SDHB: variants seen among roughly 807,000 people sequenced by gnomAD.
SDHB encodes succinate dehydrogenase [ubiquinone] iron-sulfur subunit, mitochondrial.
SDHB carries 21 observed loss-of-function variants against 39.7 expected under a neutral mutation model. The observed-to-expected ratio is 0.53, with a 90% CI of 0.37 to 0.76. SDHB has a LOEUF of 0.76. SDHB is among the 30% of genes least tolerant of loss of function. The pLI is 0.00. For synonymous variants in SDHB, 118 were observed against 117.0 expected, an observed-to-expected ratio of 1.01 and a Z score of -0.06; for missense variants, 343 against 350.9, an observed-to-expected ratio of 0.98 and a Z score of 0.18.
At chr1:17,022,267 A>G (rs1417047028) in intron 7 of SDHB, among the ~76,000 whole-genome samples, 2 of 152,190 alleles carry the variant, frequency 1.3e-5, no homozygotes, top group Non-Finnish European at 2.9e-5. Context: ...GAAGAAATGA[A>G]GTCCTCACAG....
At position 17,028,711 on chromosome 1, in the gene SDHB, G is replaced by GC. The variant is rs1389798038; in HGVS notation, c.311_312insG (p.Asn104LysfsTer15). ...AAGCTAGAGTGTTGCCTCCATTGAT[G>GC]TTCATTGCACAAGAGCCACAGATGC... On this transcript the variant is annotated frameshift_variant, in exon 4 of 8. Transcript: ENST00000375499. LOFTEE classifies it high-confidence loss of function. The GC allele has an allele frequency of 6.2e-7, 1 of 1,614,122 alleles. No individual in the cohort carries two copies. Among genetic ancestry groups the GC allele is most frequent in the Non-Finnish European group, 8.5e-7 (1 of 1,180,032 alleles).
chr1:17,029,093 GTTTT>G (rs746243819), intron 3 of SDHB, among the ~76,000 whole-genome samples: 3 of 72,030 alleles, frequency 4.2e-5, no homozygotes, highest in South Asian at 8.3e-4. Flanking sequence ...AAATCAGCCT[GTTTT>G]TTTTTTTTTT....
At position 17,026,660 on chromosome 1, in the gene SDHB, G is replaced by A. The variant is rs545537687; in HGVS notation, c.540+1089C>T. On this transcript the variant is annotated intron_variant, in intron 5 of 7. Coordinates refer to ENST00000375499, the MANE Select transcript of SDHB (RefSeq NM_003000.3). Reference sequence around the variant, plus strand: ...GATTACAGATGAGCCACTGCACCTGGCCGGACTCCCCTTTCTTAACGTTTT... The same window carrying A: ...GATTACAGATGAGCCACTGCACCTGACCGGACTCCCCTTTCTTAACGTTTT... 5.3e-5 allele frequency among the ~76,000 whole-genome samples: 8 copies of A among 152,200 alleles called. No individual in the cohort carries two copies. The South Asian group carries it at 1.5e-3, about 28-fold the overall frequency.
intron 1 of SDHB, among the ~76,000 whole-genome samples, chr1:17,048,908 A>C (rs988336629): frequency 6.6e-6 from 1 of 152,000 alleles, no homozygotes; most frequent in Non-Finnish European, 1.5e-5. Flanking sequence ...ACGGGGTTTC[A>C]CCATGTTGGC....
At chr1:17,041,239 G>A (rs897163317) in intron 2 of SDHB, among the ~76,000 whole-genome samples, 1 of 152,110 alleles carries the variant, frequency 6.6e-6, no homozygotes. Flanking sequence ...AGGCCATCCG[G>A]TAAATTTTCC....
At chr1:17,023,871 C>T in intron 6 of SDHB, 102 bp downstream of exon 6, 2 of 845,276 alleles carry the variant, frequency 2.4e-6, no homozygotes, top group Non-Finnish European at 4.0e-6. Flanking sequence ...ATGAAGGAAA[C>T]CAGGCCCCTC....
At chr1:17,021,644 C>T (rs928542830) in intron 7 of SDHB, among the ~76,000 whole-genome samples, 4 of 151,498 alleles carry the variant, frequency 2.6e-5, no homozygotes, top group Admixed American at 2.0e-4. Flanking sequence ...ACTCGGGAGG[C>T]GAATGCAGGA....
intron 1 of SDHB, among the ~76,000 whole-genome samples, chr1:17,051,799 TC>T (rs1286393390): frequency 6.6e-6 from 1 of 152,052 alleles, no homozygotes; most frequent in African/African-American, 2.4e-5. Flanking sequence ...TAAATAGGTA[TC>T]CTAGCCCTGC....
intron 1 of SDHB, among the ~76,000 whole-genome samples, chr1:17,045,895 C>G (rs967743201): frequency 2.0e-5 from 3 of 152,184 alleles, no homozygotes; most frequent in African/African-American, 4.8e-5. Context: ...TCTTGAACCA[C>G]TTGCTCAATC....
At chr1:17,024,316 A>C (rs529990550) in intron 5 of SDHB, among the ~76,000 whole-genome samples, 1 of 152,342 alleles carries the variant, frequency 6.6e-6, no homozygotes, top group African/African-American at 2.4e-5. Flanking sequence ...TTTCCCTTTA[A>C]TAAACAAGAA....
At chr1:17,020,175 T>C (rs2077953967) in intron 7 of SDHB, among the ~76,000 whole-genome samples, 1 of 152,204 alleles carries the variant, frequency 6.6e-6, no homozygotes, top group Non-Finnish European at 1.5e-5. Flanking sequence ...AATCTGGATC[T>C]ACCTGTGTAT....
chr1:17,028,545 A>G, intron 4 of SDHB, 55 bp downstream of exon 4: 3 of 1,594,488 alleles, frequency 1.9e-6, no homozygotes, highest in Non-Finnish European at 1.7e-6. Context: ...CGTAACACAC[A>G]TAGCACTGCC....
At position 17,028,644 on chromosome 1, in the gene SDHB, T is replaced by C. The variant is rs201372280; in HGVS notation, c.379A>G (p.Ile127Val). The C allele has an allele frequency of 6.2e-7, 1 of 1,614,144 alleles. No homozygotes were observed. The highest frequency in any genetic ancestry group is 8.5e-7 in the Non-Finnish European group (1 of 1,180,008). ...ACATACATGTGTGGAAGAGGGTAGA[T>C]TTTTGAGACCTTATTGAGGTTGGTG... ...IDTNLNKVSK[I>V]YPLPHMYVIK... Residue 127 changes from isoleucine (I) to valine (V), a missense_variant, in exon 4 of 8, where the codon ATC becomes GTC. By Grantham distance (29) the Ile-to-Val change is conservative. Transcript: ENST00000375499.
At chr1:17,024,248 A>T (rs191670597) in intron 5 of SDHB, among the ~76,000 whole-genome samples, 174 bp from the exon 6 acceptor site, 1 of 152,352 alleles carries the variant, frequency 6.6e-6, no homozygotes, top group East Asian at 1.9e-4. Flanking sequence ...ATTAATAAAG[A>T]TCTTGCAAGT....
chr1:17,040,819 CTTTCTT>C (rs1317186728), intron 2 of SDHB, among the ~76,000 whole-genome samples: 2 of 151,206 alleles, frequency 1.3e-5, no homozygotes, highest in African/African-American at 4.9e-5. Context: ...TTTCAAAAAT[CTTTCTT>C]TTTCTTAAGA....
chr1:17,044,976 G>T, intron 1 of SDHB, 88 bp from the exon 2 acceptor site: 3 of 1,168,520 alleles, frequency 2.6e-6, no homozygotes, highest in South Asian at 2.6e-5. Context: ...TGTAACGCTG[G>T]ATATAAACTC....
chr1:17,029,104 T>G lies in SDHB; in HGVS notation c.287-368A>C, dbSNP rs866945553. 4.1e-3 allele frequency among the ~76,000 whole-genome samples: 580 copies of G among 141,954 alleles called. 5 individuals carry two copies. The highest frequency in any genetic ancestry group is 0.014 in the African/African-American group (531 of 38,332). The allele number at this position is 141,954 out of a possible 152,430, so 93.1% of individuals were successfully genotyped here. On this transcript the variant is annotated intron_variant, in intron 3 of 7. Transcript: ENST00000375499. ...AGAAAAATCAGCCTGTTTTTTTTTT[T>G]TTTTTTTTTTTTTTTTTTAAAGAAA... is the stretch of plus-strand genomic sequence containing the variant.
chr1:17,028,846 T>A (rs1037773767), intron 3 of SDHB, 110 bp from the exon 4 acceptor site: 2 of 1,278,784 alleles, frequency 1.6e-6, no homozygotes, highest in Admixed American at 3.4e-5. Flanking sequence ...AGCACTGACA[T>A]GCAACATTCC....
chr1:17,047,015 C>G (rs986221491), intron 1 of SDHB, among the ~76,000 whole-genome samples: 4 of 152,172 alleles, frequency 2.6e-5, no homozygotes, highest in African/African-American at 9.7e-5. Flanking sequence ...CCGTGCCTGG[C>G]CAACCTTTTT....
Sources: gnomAD v4.1 joint callset for allele counts (sites outside exome capture counted in the v4.1 genomes callset) on GRCh38, gnomAD v4.1.1 for gene constraint, MANE v1.5 for transcripts, NCBI Gene and HGNC (gene_info 2026-07-23, HGNC 2026-07-21) for gene names.